The following SLC16A13 variants were observed in gnomAD, a reference collection of about 807,000 sequenced individuals.
SLC16A13 encodes the protein monocarboxylate transporter 13.
A neutral mutation model predicts 28.1 loss-of-function variants in SLC16A13; 28 were observed. The ratio of observed to expected loss-of-function variants is 1.00; its 90% CI spans 0.74 to 1.37. SLC16A13 has a LOEUF of 1.37. Ranked by LOEUF, SLC16A13 falls within the 40% of genes most tolerant of loss-of-function variation. The probability of loss-of-function intolerance (pLI) is 0.00; values close to 1 mark genes in which losing one functional copy is unlikely to be tolerated. For missense variants in SLC16A13, 482 were observed against 531.8 expected (o/e 0.91, Z 0.92); for synonymous variants, 228 against 241.6 (o/e 0.94, Z 0.52).
chr17:7,039,354 G>A lies in SLC16A13; in HGVS notation c.1082-409G>A, dbSNP rs1439695050. ...GGGCGCCTGTAGTCCCAGCTACTCA[G>A]GAGGCTGAGGCAGGAGAATGGCATG... On this transcript the variant is annotated intron_variant, in intron 3 of 3. Transcript: ENST00000308027. The surrounding 1 kb of genome is among the most constrained non-coding windows in gnomAD (Gnocchi z 4.3). 6.6e-6 allele frequency among the ~76,000 whole-genome samples: 1 copy of A among 152,126 alleles called. No homozygotes were observed. The highest frequency in any genetic ancestry group is 1.5e-5 in the Non-Finnish European group (1 of 68,026).
chr17:7,036,695 ATCT>A, intron 1 of SLC16A13, 29 bp from the exon 2 acceptor site: 1 of 1,609,070 alleles, frequency 6.2e-7, no homozygotes, highest in Non-Finnish European at 8.5e-7. Context: ...GACCCCTGAG[ATCT>A]TCTCGCAGCG....
At position 7,038,249 on chromosome 17, in the gene SLC16A13, C is replaced by T. The variant is rs1226789827; in HGVS notation, c.441C>T (p.Gly147=). The change falls in exon 3 of 4, where the codon GGC becomes GGT. Residue 147 remains glycine (G), a synonymous_variant. Transcript: ENST00000308027. This position sits in a 1 kb window ranked among gnomAD's most constrained non-coding sequence, Gnocchi z 5.7. ...TGGCCACCGGGCTGGCACTGACAGG[C>T]GTGGGCCTCTCCTCCTTCACATTTG... ...RSLATGLALT[G]VGLSSFTFAP... is the part of the protein sequence containing the mutation. The T allele has an allele frequency of 3.7e-6, 6 of 1,614,150 alleles. No individual in the cohort carries two copies. Among genetic ancestry groups the T allele is most frequent in the Admixed American group, 1.7e-5 (1 of 60,030 alleles).
In SLC16A13 at chr17:7,039,196, C is replaced by T. The variant is rs1227189836; in HGVS notation, c.1081+307C>T. On this transcript the variant is annotated intron_variant, in intron 3 of 3. Transcript: ENST00000308027. The surrounding 1 kb of genome is among the most constrained non-coding windows in gnomAD (Gnocchi z 4.3). Reference sequence around the variant, plus strand: ...GTAGCATTCCAGTGTGCACCCTTTCCTTTGGCCTACTGGGCCCCAAACCAG... The same window carrying T: ...GTAGCATTCCAGTGTGCACCCTTTCTTTTGGCCTACTGGGCCCCAAACCAG... Among the ~76,000 whole-genome samples the T allele has an allele frequency of 6.6e-6, 1 of 152,206 alleles. No homozygotes were observed. Among genetic ancestry groups the T allele is most frequent in the Non-Finnish European group, 1.5e-5 (1 of 68,030 alleles).
rs751312144 is a variant in SLC16A13, at chr17:7,039,796, C to T, written c.1115C>T (p.Ala372Val). The T allele has an allele frequency of 1.6e-5, 26 of 1,614,188 alleles. 1 individual carries two copies. The highest frequency in any genetic ancestry group is 2.2e-5 in the Non-Finnish European group (26 of 1,180,044). Residue 372 changes from alanine to valine, a missense_variant, in exon 4 of 4, where the codon GCT becomes GTT. By Grantham distance (64) the Ala-to-Val change is moderately conservative (BLOSUM62 0). Transcript: ENST00000308027. This position sits in a 1 kb window ranked among gnomAD's most constrained non-coding sequence, Gnocchi z 4.3. ...YLRDVTGNYT[A>V]SFVVAGAFLL... ...CGGGATGTGACAGGCAACTACACGGCTTCTTTTGTGGTGGCTGGGGCCTTC... is the reference window on the plus strand; with the variant it reads ...CGGGATGTGACAGGCAACTACACGGTTTCTTTTGTGGTGGCTGGGGCCTTC...
intron 1 of SLC16A13, 72 bp from the exon 2 acceptor site, chr17:7,036,655 A>C: frequency 6.2e-7 from 1 of 1,607,850 alleles, no homozygotes; most frequent in Non-Finnish European, 8.5e-7. Flanking sequence ...GGGAAGTGGA[A>C]GGGCGAGGGG....
intron 1 of SLC16A13, 30 bp downstream of exon 1, chr17:7,036,611 G>A: frequency 6.2e-7 from 1 of 1,611,600 alleles, no homozygotes; most frequent in Non-Finnish European, 8.5e-7. Context: ...CTGGCGGACT[G>A]CGACCCTCGG....
Position 7,036,275 on chromosome 17 carries a change from C to A in SLC16A13, c.-108C>A. ...TCCTCTCTACCTGCCTCTCCAACCCCTCTCGGCCCCGAGCCACCCGGCAGC... is the reference window on the plus strand; with the variant it reads ...TCCTCTCTACCTGCCTCTCCAACCCATCTCGGCCCCGAGCCACCCGGCAGC... On this transcript the variant is annotated 5_prime_UTR_variant, in exon 1 of 4. Transcript: ENST00000308027. The A allele has an allele frequency of 8.4e-7, 1 of 1,193,268 alleles. No individual in the cohort carries two copies. Among genetic ancestry groups the A allele is most frequent in the African/African-American group, 1.5e-5 (1 of 65,478 alleles). The allele number at this position is 1,193,268 out of a possible 1,614,324, so 73.9% of individuals were successfully genotyped here.
rs760156986 is a variant in SLC16A13 at position 7,038,730 on chromosome 17, G to A, written c.922G>A (p.Val308Met). 1.9e-6 allele frequency: 3 copies of A among 1,614,160 alleles called. No individual in the cohort carries two copies. Among genetic ancestry groups the A allele is most frequent in the Non-Finnish European group, 2.5e-6 (3 of 1,180,028 alleles). Residue 308 changes from valine (V) to methionine (M), a missense_variant, in exon 3 of 4, where the codon GTG becomes ATG. Physicochemically the swap from Val to Met is conservative, Grantham distance 21. Coordinates refer to ENST00000308027, the MANE Select transcript of SLC16A13 (RefSeq NM_201566.3). This position sits in a 1 kb window ranked among gnomAD's most constrained non-coding sequence, Gnocchi z 5.7. ...TGTAGCTCAGGCTCCCACAGCCCTG[G>A]TGGCTCTGGCTGTGGCCTACGGCTT... is the stretch of plus-strand genomic sequence containing the variant. The part of the protein sequence containing the change: ...FPVAQAPTAL[V>M]ALAVAYGFTS...
rs1396354802 is a variant in SLC16A13 at position 7,038,367 on chromosome 17, G to A, written c.559G>A (p.Ala187Thr). 1.9e-6 allele frequency: 3 copies of A among 1,614,024 alleles called. No individual in the cohort carries two copies. The highest frequency in any genetic ancestry group is 2.5e-6 in the Non-Finnish European group (3 of 1,179,986). Residue 187 changes from alanine to threonine, a missense_variant, in exon 3 of 4, where the codon GCT becomes ACT. By Grantham distance (58) the Ala-to-Thr change is moderately conservative. Transcript: ENST00000308027. The surrounding 1 kb of genome is among the most constrained non-coding windows in gnomAD (Gnocchi z 5.7). ...ALSLHLVACG[A>T]LLRPPSLAED... is the part of the protein sequence containing the mutation. ...CTCCCTCCACCTAGTGGCCTGTGGTGCTCTCCTCCGCCCACCCTCCCTGGC... is the reference window on the plus strand; with the variant it reads ...CTCCCTCCACCTAGTGGCCTGTGGTACTCTCCTCCGCCCACCCTCCCTGGC...
rs1910668585 is a variant in SLC16A13, at chr17:7,039,558, G to A, written c.1082-205G>A. The stretch of plus-strand genomic sequence containing the variant: ...CCAAATCCCTGCAGGCTGGTTTGGA[G>A]GTCCTTTCTGAAGGCGGGGAGGTGG... On this transcript the variant is annotated intron_variant, in intron 3 of 3. Transcript: ENST00000308027. This position sits in a 1 kb window ranked among gnomAD's most constrained non-coding sequence, Gnocchi z 4.3. Among the ~76,000 whole-genome samples the A allele has an allele frequency of 6.6e-6, 1 of 152,226 alleles. No individual in the cohort carries two copies. Among genetic ancestry groups the A allele is most frequent in the Admixed American group, 6.5e-5 (1 of 15,278 alleles).
rs919898324 is a variant in SLC16A13 at position 7,038,085 on chromosome 17, A to T, written c.344-67A>T. 1 of 1,528,668 alleles carries T rather than the reference A, an allele frequency of 6.5e-7. No individual in the cohort carries two copies. The highest frequency in any genetic ancestry group is 1.4e-5 in the African/African-American group (1 of 72,802). The allele number at this position is 1,528,668 out of a possible 1,614,324, so 94.7% of individuals were successfully genotyped here. ...AAGTGCTACATTCTGCTGCTGGGCA[A>T]TGCGGGGATTACTGTGTGCCTTGAG... On this transcript the variant is annotated intron_variant, in intron 2 of 3. Transcript: ENST00000308027. The surrounding 1 kb of genome is among the most constrained non-coding windows in gnomAD (Gnocchi z 5.7).
rs2151669154 is a variant in SLC16A13 at position 7,039,389 on chromosome 17, G to A, written c.1082-374G>A. ...GCAGGAGAATGGCATGAACCCGGGA[G>A]GCGGAGCTTGCAGTGAGCTGAGATC... is the stretch of plus-strand genomic sequence containing the variant. On this transcript the variant is annotated intron_variant, in intron 3 of 3. Transcript: ENST00000308027. The surrounding 1 kb of genome is among the most constrained non-coding windows in gnomAD (Gnocchi z 4.3). 6.6e-6 allele frequency among the ~76,000 whole-genome samples: 1 copy of A among 152,162 alleles called. No homozygotes were observed. Among genetic ancestry groups the A allele is most frequent in the East Asian group, 1.9e-4 (1 of 5,170 alleles).
chr17:7,038,699 G>T lies in SLC16A13; in HGVS notation c.891G>T (p.Leu297=). 1 of 1,614,182 alleles carries T rather than the reference G, an allele frequency of 6.2e-7. No individual in the cohort carries two copies. The highest frequency in any genetic ancestry group is 1.6e-4 in the Middle Eastern group (1 of 6,062). ...CCTTGACTGGGGTGTCACTAGCCCT[G>T]TTCCCTGTAGCTCAGGCTCCCACAG... ...WTTLTGVSLA[L]FPVAQAPTAL... Residue 297 remains leucine, a synonymous_variant, in exon 3 of 4, where the codon CTG becomes CTT. Coordinates refer to ENST00000308027, the MANE Select transcript of SLC16A13 (RefSeq NM_201566.3). This position sits in a 1 kb window ranked among gnomAD's most constrained non-coding sequence, Gnocchi z 5.7.
Position 7,038,497 on chromosome 17 carries a change from A to G in SLC16A13, c.689A>G (p.Tyr230Cys). 6.2e-7 allele frequency: 1 copy of G among 1,613,992 alleles called. No homozygotes were observed. The highest frequency in any genetic ancestry group is 8.5e-7 in the Non-Finnish European group (1 of 1,179,972). ...TVALTLINTG[Y>C]FIPYLHLVAH... ...GCCCTCACCCTGATCAACACTGGCT[A>G]CTTCATTCCCTACCTCCACCTGGTG... The change falls in exon 3 of 4, where the codon TAC (tyrosine) becomes TGC (cysteine). Residue 230 changes from tyrosine (Y) to cysteine (C), a missense_variant. Transcript: ENST00000308027. The surrounding 1 kb of genome is among the most constrained non-coding windows in gnomAD (Gnocchi z 5.7).
In SLC16A13 at chr17:7,039,699, A is replaced by G; in HGVS notation, c.1082-64A>G. The G allele has an allele frequency of 1.3e-6, 2 of 1,563,328 alleles. No homozygotes were observed. The highest frequency in any genetic ancestry group is 8.8e-7 in the Non-Finnish European group (1 of 1,137,276). ...AAGTCTTCCCTCCACCCAAAAATGT[A>G]TCTGAGCCCTCAGCCCCAGCAAATA... On this transcript the variant is annotated intron_variant, in intron 3 of 3. Transcript: ENST00000308027. This position sits in a 1 kb window ranked among gnomAD's most constrained non-coding sequence, Gnocchi z 4.3.
Position 7,040,029 on chromosome 17 carries a change from G to T in SLC16A13, c.*67G>T. 6.9e-7 allele frequency: 1 copy of T among 1,454,586 alleles called. No homozygotes were observed. Among genetic ancestry groups the T allele is most frequent in the Non-Finnish European group, 9.5e-7 (1 of 1,051,632 alleles). The allele number at this position is 1,454,586 out of a possible 1,614,324, so 90.1% of individuals were successfully genotyped here. On this transcript the variant is annotated 3_prime_UTR_variant, in exon 4 of 4. Transcript: ENST00000308027. ...CCAGGTCTTCTCTTGCCACGTCTTG[G>T]TCTCCACAGAACCACAGTGCCTTAA... is the stretch of plus-strand genomic sequence containing the variant.
chr17:7,036,730 C>G lies in SLC16A13; in HGVS notation c.203C>G (p.Pro68Arg). 1.2e-6 allele frequency: 2 copies of G among 1,612,454 alleles called. No individual in the cohort carries two copies. Among genetic ancestry groups the G allele is most frequent in the East Asian group, 2.2e-5 (1 of 44,876 alleles). The change falls in exon 2 of 4, where the codon CCG becomes CGG. Residue 68 changes from proline to arginine, a missense_variant. By Grantham distance (103) the Pro-to-Arg change is moderately radical (BLOSUM62 -2). Coordinates refer to ENST00000308027, the MANE Select transcript of SLC16A13 (RefSeq NM_201566.3). ...AGCGCCCCTTCCACTTCCTCAGGCC[C>G]GGTAGGCAGTGCCCTGAGCACGAAG... ...IGIAVQQFGSPVGSALSTKFG... is the reference protein window; with the variant it reads ...IGIAVQQFGSRVGSALSTKFG...
chr17:7,036,939 C>T, intron 2 of SLC16A13, 69 bp downstream of exon 2: 1 of 1,571,392 alleles, frequency 6.4e-7, no homozygotes, highest in Non-Finnish European at 8.6e-7. Flanking sequence ...CTTCCTGCTC[C>T]TTCCAAAGGG....
Position 7,038,842 on chromosome 17 carries a change from T to G in SLC16A13, c.1034T>G (p.Leu345Trp). The change falls in exon 3 of 4, where the codon TTG becomes TGG. Residue 345 changes from leucine (L) to tryptophan (W), a missense_variant. Physicochemically the swap from Leu to Trp is moderately conservative, Grantham distance 61 (BLOSUM62 -2). Transcript: ENST00000308027. The surrounding 1 kb of genome is among the most constrained non-coding windows in gnomAD (Gnocchi z 5.7). ...AGGATTTACTGTGGCCTGGGACTGT[T>G]GCAGATGATAGAGAGCATCGGGGGG... ...TRRIYCGLGL[L>W]QMIESIGGLL... 1 of 1,613,788 alleles carries G rather than the reference T, an allele frequency of 6.2e-7. No individual in the cohort carries two copies. The highest frequency in any genetic ancestry group is 8.5e-7 in the Non-Finnish European group (1 of 1,179,898).
Sources: gnomAD v4.1 joint callset for allele counts (sites outside exome capture counted in the v4.1 genomes callset) on GRCh38, gnomAD v4.1.1 for gene constraint, Gnocchi (gnomAD v3.1) non-coding constraint, MANE v1.5 for transcripts, NCBI Gene and HGNC (gene_info 2026-07-23, HGNC 2026-07-21) for gene names.